KLHL1: variants seen among roughly 807,000 people sequenced by gnomAD.
KLHL1 encodes the protein kelch-like protein 1.
A neutral mutation model predicts 77.7 loss-of-function variants in KLHL1; 47 were observed. That is an observed-to-expected ratio of 0.60 (90% CI 0.48 to 0.77). The LOEUF (loss-of-function observed/expected upper bound fraction) is 0.77. KLHL1 is among the 30% of genes least tolerant of loss of function. The pLI is 0.00. For synonymous variants in KLHL1, 360 were observed against 325.2 expected (o/e 1.11, Z -1.15); for missense variants, 925 against 910.8 (o/e 1.02, Z -0.20).
intron 7 of KLHL1, among the ~76,000 whole-genome samples, chr13:69,742,922 T>C (rs1463964337): frequency 1.3e-5 from 2 of 152,172 alleles, no homozygotes; most frequent in East Asian, 1.9e-4. Flanking sequence ...ATATATCTCA[T>C]AGGCTTTTTA....
intron 6 of KLHL1, among the ~76,000 whole-genome samples, chr13:69,810,630 A>G (rs1015535068): frequency 6.6e-6 from 1 of 151,702 alleles, no homozygotes; most frequent in Non-Finnish European, 1.5e-5. Context: ...AAGGAACTAG[A>G]AAAACAAGAA....
intron 8 of KLHL1, among the ~76,000 whole-genome samples, chr13:69,730,921 A>G (rs1238436765): frequency 1.3e-5 from 2 of 152,248 alleles, no homozygotes; most frequent in East Asian, 3.9e-4. Flanking sequence ...TTTACTATCC[A>G]TGAATAGATA....
Position 69,833,842 on chromosome 13 carries a change from T to C in KLHL1, c.1414+5134A>G, listed in dbSNP as rs150909777. On this transcript the variant is annotated intron_variant, in intron 6 of 10. Transcript: ENST00000377844. ...ACACACACATGTATACATATATATA[T>C]ACACACACATATATACACACACACA... 9.0e-3 allele frequency among the ~76,000 whole-genome samples: 1,296 copies of C among 144,000 alleles called. 20 individuals are homozygous for C. Among genetic ancestry groups the C allele is most frequent in the African/African-American group, 0.032 (1,184 of 36,610 alleles). 94.5% of individuals were successfully genotyped at this position (144,000 alleles called of 152,430 possible).
At chr13:69,873,798 C>T (rs955477628) in intron 5 of KLHL1, among the ~76,000 whole-genome samples, 3 of 151,988 alleles carry the variant, frequency 2.0e-5, no homozygotes, top group Non-Finnish European at 4.4e-5. Flanking sequence ...CTTGCTAAGA[C>T]CAAGAATAAA....
intron 4 of KLHL1, among the ~76,000 whole-genome samples, chr13:69,904,133 A>C (rs1041338667): frequency 7.3e-6 from 1 of 137,190 alleles, no homozygotes; most frequent in Non-Finnish European, 1.5e-5. Context: ...AGATTCATGA[A>C]AATAATTTAA....
chr13:69,796,624 T>C, intron 7 of KLHL1, 114 bp downstream of exon 7: 1 of 785,550 alleles, frequency 1.3e-6, no homozygotes, highest in Non-Finnish European at 2.0e-6. Flanking sequence ...GGTTCAGGTA[T>C]TCCTTTATCG....
At chr13:70,076,090 G>A (rs1887261813) in intron 1 of KLHL1, among the ~76,000 whole-genome samples, 2 of 151,854 alleles carry the variant, frequency 1.3e-5, no homozygotes, top group African/African-American at 4.8e-5. Context: ...ATGAGATCCT[G>A]ATCATAAATC....
rs778850414 is a variant in KLHL1, at chr13:69,719,468, C to T, written c.1916G>A (p.Gly639Asp). The T allele has an allele frequency of 1.2e-6, 2 of 1,613,512 alleles. No individual in the cohort carries two copies. The highest frequency in any genetic ancestry group is 2.2e-5 in the East Asian group (1 of 44,848). Reference sequence around the variant, plus strand: ...ACCGTCACATGTGGCCACTCCGACACCCCCTCTCCTCTTACACATGGGAGC... The same window carrying T: ...ACCGTCACATGTGGCCACTCCGACATCCCCTCTCCTCTTACACATGGGAGC... ...MCAPMCKRRG[G>D]VGVATCDGFL... is the part of the protein sequence containing the mutation. The change falls in exon 9 of 11, where the codon GGT (glycine) becomes GAT (aspartate). Residue 639 changes from glycine (G) to aspartate (D), a missense_variant. Transcript: ENST00000377844.
At chr13:69,792,022 C>T (rs1364594696) in intron 7 of KLHL1, among the ~76,000 whole-genome samples, 1 of 152,096 alleles carries the variant, frequency 6.6e-6, no homozygotes, top group South Asian at 2.1e-4. Flanking sequence ...GGGCTTAATA[C>T]CTAGGCGATG....
chr13:69,766,365 TTCTC>T (rs922964161), intron 7 of KLHL1, among the ~76,000 whole-genome samples: 4 of 151,822 alleles, frequency 2.6e-5, no homozygotes, highest in African/African-American at 4.8e-5. Flanking sequence ...AGAAAGTAGG[TTCTC>T]TCTCTCTGTA....
rs1182561216 is a variant in KLHL1 at position 69,780,690 on chromosome 13, ATATATATATATG to A, written c.1639+16036_1639+16047del. Among the ~76,000 whole-genome samples, 13 of 10,082 alleles carry A rather than the reference ATATATATATATG, an allele frequency of 1.3e-3. 1 individual carries two copies. The highest frequency in any genetic ancestry group is 7.9e-3 in the South Asian group (1 of 126). The allele number at this position is 10,082 out of a possible 152,430, so 6.6% of individuals were successfully genotyped here. A position where few individuals can be genotyped will look rare whatever the true frequency, so the allele number is the denominator to read the frequency against. On this transcript the variant is annotated intron_variant, in intron 7 of 10. Transcript: ENST00000377844. ...CACTCTGAATTCTCTTTCTTCATAT[ATATATATATATG>A]TATATATATATATGTATATATATAT... is the stretch of plus-strand genomic sequence containing the variant.
chr13:69,971,636 T>C (rs1884383871), intron 2 of KLHL1, among the ~76,000 whole-genome samples: 1 of 152,038 alleles, frequency 6.6e-6, no homozygotes, highest in South Asian at 2.1e-4. Flanking sequence ...AAAACTTTCA[T>C]AATACTCTAT....
chr13:69,701,749 T>A lies in KLHL1; in HGVS notation c.2200A>T (p.Asn734Tyr), dbSNP rs1875406646. 1.2e-6 allele frequency: 2 copies of A among 1,606,334 alleles called. No homozygotes were observed. The highest frequency in any genetic ancestry group is 1.7e-6 in the Non-Finnish European group (2 of 1,175,730). Residue 734 changes from asparagine (N) to tyrosine (Y), a missense_variant, in exon 11 of 11, where the codon AAT becomes TAT. Physicochemically the swap from Asn to Tyr is moderately radical, Grantham distance 143. Transcript: ENST00000377844. ...TNEWTQMASLNIGRAGACVVV... is the reference protein window; with the variant it reads ...TNEWTQMASLYIGRAGACVVV... ...ACACAGGCACCTGCTCTCCCAATAT[T>A]CAAGGAAGCCATCTGTTAAAAAAGA...
intron 7 of KLHL1, among the ~76,000 whole-genome samples, chr13:69,759,255 C>T (rs1336126492): frequency 2.6e-5 from 4 of 152,152 alleles, no homozygotes; most frequent in African/African-American, 9.7e-5. Context: ...CGTAAGCTCA[C>T]AGTAAGATGT....
intron 3 of KLHL1, among the ~76,000 whole-genome samples, chr13:69,941,803 A>G (rs748363595): frequency 6.6e-6 from 1 of 152,078 alleles, no homozygotes; most frequent in Non-Finnish European, 1.5e-5. Context: ...TACTACAGAA[A>G]CACAAAGGAT....
chr13:69,791,050 C>A (rs1876849485), intron 7 of KLHL1, among the ~76,000 whole-genome samples: 2 of 149,642 alleles, frequency 1.3e-5, no homozygotes, highest in African/African-American at 4.9e-5. Flanking sequence ...GTGGGGGAAA[C>A]ACACACACAC....
At chr13:69,915,650 A>G (rs1240238817) in intron 4 of KLHL1, among the ~76,000 whole-genome samples, 3 of 152,058 alleles carry the variant, frequency 2.0e-5, no homozygotes, top group Non-Finnish European at 4.4e-5. Context: ...CTAGAAGAAA[A>G]CCTAGGCAAT....
chr13:69,758,332 C>T (rs1436178828), intron 7 of KLHL1, among the ~76,000 whole-genome samples: 1 of 152,042 alleles, frequency 6.6e-6, no homozygotes, highest in East Asian at 1.9e-4. Flanking sequence ...CAGCTTTTGA[C>T]CACACAAGAT....
chr13:69,789,283 T>TTTTA (rs907564331), intron 7 of KLHL1, among the ~76,000 whole-genome samples: 1 of 151,798 alleles, frequency 6.6e-6, no homozygotes, highest in Non-Finnish European at 1.5e-5. Flanking sequence ...TCTGTCTGTC[T>TTTTA]TTTATTTTGT....
Sources: allele counts gnomAD v4.1 joint callset (sites outside exome capture counted in the v4.1 genomes callset), GRCh38; gene constraint gnomAD v4.1.1; transcripts MANE v1.5; gene names NCBI Gene and HGNC (gene_info 2026-07-23, HGNC 2026-07-21).